Variants in PHACTR1 observed in about 807,000 individuals in gnomAD.
The protein encoded by PHACTR1 is phosphatase and actin regulator 1, also known as RPEL repeat containing 1.
Under a neutral mutation model 69.2 loss-of-function variants are expected in PHACTR1, and 16 were observed. That is an observed-to-expected ratio of 0.23 (90% confidence interval 0.16 to 0.35). PHACTR1 has a LOEUF of 0.35. PHACTR1 is among the 10% of genes least tolerant of loss of function. The pLI is 1.00. For missense variants in PHACTR1, 510 were observed against 734.7 expected, an observed-to-expected ratio of 0.69 and a Z score of 3.54; for synonymous variants, 312 against 284.5, an observed-to-expected ratio of 1.10 and a Z score of -0.97.
At chr6:12,849,710 T>C (rs544714395) in intron 4 of PHACTR1, among the ~76,000 whole-genome samples, 1 of 152,274 alleles carries the variant, frequency 6.6e-6, no homozygotes, top group East Asian at 1.9e-4. Context: ...CTGTGCAGCA[T>C]TTAGAAGTTT....
rs1367895057 is a variant in PHACTR1 at position 13,182,510 on chromosome 6, C to G, written c.497-9C>G. 4 of 1,613,482 alleles carry G rather than the reference C, an allele frequency of 2.5e-6. No homozygotes were observed. The Admixed American group carries it at 5.0e-5, about 20-fold the overall frequency. On this transcript the variant is annotated splice_polypyrimidine_tract_variant and intron_variant, in intron 6 of 14. Coordinates refer to ENST00000332995, the MANE Select transcript of PHACTR1 (RefSeq NM_030948.6). ...GTCTAACTCTGCAATCTCCTTTTCTCTCTGACAGATGGGGAACTCTCTATA... is the reference window on the plus strand; with the variant it reads ...GTCTAACTCTGCAATCTCCTTTTCTGTCTGACAGATGGGGAACTCTCTATA...
intron 4 of PHACTR1, among the ~76,000 whole-genome samples, chr6:12,796,574 A>G (rs1418546953): frequency 2.0e-5 from 3 of 152,172 alleles, no homozygotes; most frequent in African/African-American, 7.2e-5. Context: ...CTTTGATTTT[A>G]TGGTCGGATT....
chr6:12,914,189 G>A (rs917424553), intron 4 of PHACTR1, among the ~76,000 whole-genome samples: 3 of 151,972 alleles, frequency 2.0e-5, no homozygotes, highest in African/African-American at 4.8e-5. Context: ...TAGTAGAGAC[G>A]GGGTTTCACC....
intron 4 of PHACTR1, among the ~76,000 whole-genome samples, chr6:12,830,271 TTCCCAGAC>T (rs1777387966): frequency 6.6e-6 from 1 of 151,708 alleles, no homozygotes; most frequent in South Asian, 2.1e-4. Flanking sequence ...TGGACCTGAG[TTCCCAGAC>T]TCTTACTCTA....
chr6:12,811,348 T>A (rs1381779607), intron 4 of PHACTR1, among the ~76,000 whole-genome samples: 1 of 152,220 alleles, frequency 6.6e-6, no homozygotes, highest in Non-Finnish European at 1.5e-5. Context: ...AAATGAATCC[T>A]TGATTATATA....
chr6:12,849,464 A>G (rs1365406919), intron 4 of PHACTR1, among the ~76,000 whole-genome samples: 1 of 152,204 alleles, frequency 6.6e-6, no homozygotes, highest in Non-Finnish European at 1.5e-5. Context: ...TGGAGACATG[A>G]ATGATGGGTC....
intron 3 of PHACTR1, among the ~76,000 whole-genome samples, chr6:12,724,941 C>T (rs1312122441): frequency 6.6e-6 from 1 of 152,152 alleles, no homozygotes; most frequent in Non-Finnish European, 1.5e-5. Flanking sequence ...ATGATTTCCC[C>T]TCTTTTATCA....
At chr6:13,074,274 CATATT>C (rs1346856898) in intron 5 of PHACTR1, among the ~76,000 whole-genome samples, 4 of 152,152 alleles carry the variant, frequency 2.6e-5, no homozygotes, top group Non-Finnish European at 4.4e-5. Context: ...TACCCTCACT[CATATT>C]ATAATTAAGG....
At chr6:13,267,991 G>A (rs997987281) in intron 10 of PHACTR1, among the ~76,000 whole-genome samples, 3 of 152,128 alleles carry the variant, frequency 2.0e-5, no homozygotes, top group Admixed American at 6.5e-5. Flanking sequence ...AACCAGCTGG[G>A]CTCAGTGGCT....
chr6:13,141,956 T>C (rs545978609), intron 5 of PHACTR1, among the ~76,000 whole-genome samples: 1 of 152,236 alleles, frequency 6.6e-6, no homozygotes, highest in South Asian at 2.1e-4. Flanking sequence ...TGATAAATGC[T>C]GGGGTGCAAT....
chr6:12,880,235 T>C (rs1447879374), intron 4 of PHACTR1, among the ~76,000 whole-genome samples: 1 of 150,380 alleles, frequency 6.6e-6, no homozygotes, highest in South Asian at 2.1e-4. Context: ...TTTTTCTTTT[T>C]TTTTTTTTTT....
chr6:13,102,415 T>C (rs919993101), intron 5 of PHACTR1, among the ~76,000 whole-genome samples: 5 of 152,184 alleles, frequency 3.3e-5, no homozygotes, highest in Non-Finnish European at 7.3e-5. Context: ...ATTTTCTTAC[T>C]CTCAAGGAAC....
chr6:13,047,405 C>T (rs895717243), intron 4 of PHACTR1, among the ~76,000 whole-genome samples: 1 of 134,536 alleles, frequency 7.4e-6, no homozygotes, highest in East Asian at 2.0e-4. Context: ...AAAAAAAAGG[C>T]AGTGCTGCTG....
chr6:13,123,085 G>T (rs1439284092), intron 5 of PHACTR1, among the ~76,000 whole-genome samples: 1 of 152,114 alleles, frequency 6.6e-6, no homozygotes, highest in East Asian at 1.9e-4. Flanking sequence ...AACTTGGGAG[G>T]AGAAAAGGGC....
Position 13,038,488 on chromosome 6 carries a change from TAAAAAAAAA to T in PHACTR1, c.251-14866_251-14858del, listed in dbSNP as rs34433834. 4.0e-5 allele frequency among the ~76,000 whole-genome samples: 5 copies of T among 124,170 alleles called. No homozygotes were observed. The East Asian group carries it at 9.5e-4, about 24-fold the overall frequency. The allele number at this position is 124,170 out of a possible 152,430, so 81.5% of individuals were successfully genotyped here. Reference sequence around the variant, plus strand: ...ACTTTTGCATGAGTGTTCAAGTGTTTAAAAAAAAAAAAAAAAAAAGGAAGGACTTGGCTC... The same window carrying T: ...ACTTTTGCATGAGTGTTCAAGTGTTTAAAAAAAAAAGGAAGGACTTGGCTC... On this transcript the variant is annotated intron_variant, in intron 4 of 14. Transcript: ENST00000332995.
intron 4 of PHACTR1, among the ~76,000 whole-genome samples, chr6:12,910,323 C>G (rs922396246): frequency 3.9e-5 from 6 of 152,154 alleles, no homozygotes; most frequent in African/African-American, 1.4e-4. Flanking sequence ...CTCCCACTTG[C>G]CAGTTCATGT....
At chr6:12,977,387 C>T (rs1795023694) in intron 4 of PHACTR1, among the ~76,000 whole-genome samples, 1 of 151,388 alleles carries the variant, frequency 6.6e-6, no homozygotes, top group Admixed American at 6.6e-5. Context: ...CTTTCACACA[C>T]ACACACACAC....
chr6:13,075,907 T>A (rs1464072630), intron 5 of PHACTR1, among the ~76,000 whole-genome samples: 1 of 152,142 alleles, frequency 6.6e-6, no homozygotes, highest in African/African-American at 2.4e-5. Context: ...CCAGGATAAC[T>A]AGATTAATAC....
At chr6:12,895,335 C>A (rs1246752361) in intron 4 of PHACTR1, among the ~76,000 whole-genome samples, 1 of 152,008 alleles carries the variant, frequency 6.6e-6, no homozygotes, top group Non-Finnish European at 1.5e-5. Context: ...GTGCCTGCCA[C>A]CACACCTGGC....
Sources: allele counts gnomAD v4.1 joint callset (sites outside exome capture counted in the v4.1 genomes callset), GRCh38; gene constraint gnomAD v4.1.1; transcripts MANE v1.5; gene names NCBI Gene and HGNC (gene_info 2026-07-23, HGNC 2026-07-21).